The following MAD1L1 variants were observed in gnomAD, a reference collection of about 807,000 sequenced individuals.
MAD1L1 encodes mitotic spindle assembly checkpoint protein MAD1.
A neutral mutation model predicts 96.9 loss-of-function variants in MAD1L1; 95 were observed. The observed-to-expected ratio is 0.98, with a 90% CI of 0.83 to 1.16. The LOEUF (loss-of-function observed/expected upper bound fraction) is 1.16, where lower values mean the gene tolerates loss of function less well. Among genes scored for constraint, MAD1L1 ranks in the 50% most tolerant of loss-of-function variants. The pLI, the probability that MAD1L1 is intolerant of heterozygous loss-of-function variation, is 0.00. For synonymous variants in MAD1L1, 473 were observed against 396.6 expected (o/e 1.19, Z -2.29); for missense variants, 1,007 against 954.4 (o/e 1.06, Z -0.73).
At chr7:2,198,639 C>T (rs1042928913) in intron 10 of MAD1L1, among the ~76,000 whole-genome samples, 1 of 152,248 alleles carries the variant, frequency 6.6e-6, no homozygotes, top group Non-Finnish European at 1.5e-5. Context: ...GCCCCCTCTC[C>T]AGGCTGCAGG....
chr7:1,942,766 A>G (rs996598605), intron 16 of MAD1L1, among the ~76,000 whole-genome samples: 2 of 152,202 alleles, frequency 1.3e-5, no homozygotes, highest in African/African-American at 4.8e-5. Context: ...GGCCTCCCTG[A>G]AGAACTGATA....
intron 2 of MAD1L1, 148 bp from the exon 3 acceptor site, chr7:2,230,291 G>A: frequency 1.8e-6 from 1 of 555,642 alleles, no homozygotes; most frequent in Non-Finnish European, 3.1e-6. Context: ...TTCTTCAATG[G>A]CAACTGGGAG....
At chr7:2,085,131 A>G (rs1785844910) in intron 11 of MAD1L1, among the ~76,000 whole-genome samples, 1 of 152,200 alleles carries the variant, frequency 6.6e-6, no homozygotes, top group South Asian at 2.1e-4. Context: ...ACTGTTCGTT[A>G]CTGCAGCTCA....
intron 17 of MAD1L1, among the ~76,000 whole-genome samples, chr7:1,910,301 T>G (rs899235594): frequency 6.6e-6 from 1 of 152,154 alleles, no homozygotes; most frequent in Admixed American, 6.5e-5. Context: ...ACACCCTGCA[T>G]ATGTGGGGGG....
chr7:1,926,567 G>C (rs1000438842), intron 17 of MAD1L1, among the ~76,000 whole-genome samples: 2 of 152,078 alleles, frequency 1.3e-5, no homozygotes, highest in Admixed American at 6.6e-5. Flanking sequence ...CTCAACGTTG[G>C]AAACTTCCCA....
intron 11 of MAD1L1, among the ~76,000 whole-genome samples, chr7:2,134,382 T>C (rs190345079): frequency 1.3e-5 from 2 of 152,224 alleles, no homozygotes; most frequent in African/African-American, 4.8e-5. Context: ...CAAGTTCTTT[T>C]GTTAGTTCTC....
At chr7:1,971,459 CA>C (rs1391216618) in intron 15 of MAD1L1, among the ~76,000 whole-genome samples, 1 of 152,066 alleles carries the variant, frequency 6.6e-6, no homozygotes, top group Non-Finnish European at 1.5e-5. Context: ...TTAAGACTTA[CA>C]AAAACCTATA....
intron 16 of MAD1L1, among the ~76,000 whole-genome samples, chr7:1,946,636 T>A (rs1779241497): frequency 6.6e-6 from 1 of 152,254 alleles, no homozygotes; most frequent in South Asian, 2.1e-4. Flanking sequence ...CCCAGCGCGG[T>A]TAAGCGGAAG....
intron 11 of MAD1L1, among the ~76,000 whole-genome samples, chr7:2,129,890 G>A (rs983533453): frequency 3.3e-5 from 5 of 152,228 alleles, no homozygotes; most frequent in African/African-American, 1.2e-4. Flanking sequence ...AGCAGGTGCA[G>A]ACGGACTCAT....
chr7:1,956,544 G>A (rs969032586), intron 16 of MAD1L1, among the ~76,000 whole-genome samples: 3 of 152,164 alleles, frequency 2.0e-5, no homozygotes, highest in African/African-American at 7.2e-5. Context: ...GCAGCACCAC[G>A]CCTCAGCTCT....
intron 17 of MAD1L1, among the ~76,000 whole-genome samples, chr7:1,920,458 G>A (rs1019613409): frequency 6.6e-6 from 1 of 152,234 alleles, no homozygotes; most frequent in African/African-American, 2.4e-5. Context: ...AGGCACCAAG[G>A]GAAGTGGTTA....
intron 17 of MAD1L1, among the ~76,000 whole-genome samples, chr7:1,919,441 C>A (rs1583786735): frequency 6.6e-6 from 1 of 152,248 alleles, no homozygotes; most frequent in Non-Finnish European, 1.5e-5. Flanking sequence ...AACTGTAAAG[C>A]CAAGCCTGCC....
chr7:2,005,181 G>C (rs967890013), intron 13 of MAD1L1, among the ~76,000 whole-genome samples: 22 of 152,152 alleles, frequency 1.4e-4, no homozygotes, highest in Non-Finnish European at 2.9e-5. Context: ...GAGGCGACCA[G>C]GACAGCAGAG....
chr7:1,948,833 T>C (rs994629978), intron 16 of MAD1L1, among the ~76,000 whole-genome samples: 1 of 152,066 alleles, frequency 6.6e-6, no homozygotes. Flanking sequence ...GCTGTGCCTG[T>C]GGTGAGGAGG....
At chr7:2,038,847 T>C (rs917416224) in intron 12 of MAD1L1, among the ~76,000 whole-genome samples, 17 of 152,216 alleles carry the variant, frequency 1.1e-4, no homozygotes, top group African/African-American at 3.9e-4. Flanking sequence ...AATTACAGAT[T>C]CACTTGGAGC....
intron 10 of MAD1L1, among the ~76,000 whole-genome samples, chr7:2,179,893 C>A (rs13233029): frequency 0.14 from 21,875 of 151,778 alleles, 1,798 homozygotes; most frequent in Middle Eastern, 0.27. Flanking sequence ...ATCGCTTGAA[C>A]CTGGGAGGCG....
chr7:1,874,374 C>T (rs1053515802), intron 18 of MAD1L1: 11 of 373,948 alleles, frequency 2.9e-5, no homozygotes, highest in South Asian at 1.2e-4. Flanking sequence ...CAGGAGGAGA[C>T]GTTGCAGCAG....
rs539366423 is a variant in MAD1L1 at position 1,877,220 on chromosome 7, C to G, written c.1998+20980G>C. On this transcript the variant is annotated intron_variant, in intron 18 of 18. Coordinates refer to ENST00000265854, the MANE Select transcript of MAD1L1 (RefSeq NM_001013836.2). The stretch of plus-strand genomic sequence containing the variant: ...CCCATGGGCCAATTCTGGCCCACCG[C>G]CCGCTTTTGTAATAAAGTTTTACTG... Among the ~76,000 whole-genome samples the G allele has an allele frequency of 2.5e-3, 386 of 152,240 alleles. 2 individuals are homozygous for G. The highest frequency in any genetic ancestry group is 8.9e-3 in the African/African-American group (370 of 41,518).
At chr7:2,189,755 A>C (rs903112221) in intron 10 of MAD1L1, among the ~76,000 whole-genome samples, 9 of 152,324 alleles carry the variant, frequency 5.9e-5, no homozygotes, top group Admixed American at 4.6e-4. Flanking sequence ...TCTTAAAGCT[A>C]CTGAACTGTA....
Sources: allele counts gnomAD v4.1 joint callset (sites outside exome capture counted in the v4.1 genomes callset), GRCh38; gene constraint gnomAD v4.1.1; transcripts MANE v1.5; gene names NCBI Gene and HGNC (gene_info 2026-07-23, HGNC 2026-07-21).